The following MYO5A variants were observed in gnomAD, a reference collection of about 807,000 sequenced individuals.
MYO5A encodes the protein unconventional myosin-Va.
MYO5A carries 98 observed loss-of-function variants against 249.7 expected under a neutral mutation model. That is an observed-to-expected ratio of 0.39 (90% CI 0.33 to 0.46). MYO5A has a LOEUF of 0.46. Ranked by LOEUF, MYO5A falls within the 20% of genes least tolerant of loss-of-function variation. MYO5A has a pLI of 0.98. For missense variants in MYO5A, 1,696 were observed against 2,308.8 expected (o/e 0.73, Z 5.44); for synonymous variants, 778 against 810.6 (o/e 0.96, Z 0.68).
intron 1 of MYO5A, among the ~76,000 whole-genome samples, chr15:52,517,707 G>A (rs1304183171): frequency 3.3e-5 from 5 of 151,990 alleles, no homozygotes; most frequent in South Asian, 2.1e-4. Context: ...GCGAAACTCC[G>A]TCTCAAAAAA....
chr15:52,407,090 A>T (rs1026227039), intron 8 of MYO5A, among the ~76,000 whole-genome samples: 6 of 152,226 alleles, frequency 3.9e-5, no homozygotes, highest in Admixed American at 3.3e-4. Flanking sequence ...CACAACCATT[A>T]CCACAATCTA....
At chr15:52,434,562 A>G (rs150811955) in intron 1 of MYO5A, among the ~76,000 whole-genome samples, 1 of 152,342 alleles carries the variant, frequency 6.6e-6, no homozygotes, top group African/African-American at 2.4e-5. Flanking sequence ...CATGGTAATC[A>G]TCAGGGATTC....
At chr15:52,318,747 CTA>C (rs1197621016) in intron 39 of MYO5A, among the ~76,000 whole-genome samples, 1 of 152,216 alleles carries the variant, frequency 6.6e-6, no homozygotes. Flanking sequence ...GAGGAAGCAG[CTA>C]TCTCATCTTT....
intron 38 of MYO5A, 119 bp from the exon 39 acceptor site, chr15:52,319,461 C>T: frequency 1.8e-6 from 2 of 1,137,136 alleles, no homozygotes; most frequent in South Asian, 2.5e-5. Context: ...GGCACGGTGG[C>T]TCACATCTGT....
At chr15:52,418,789 T>G (rs185519074) in intron 4 of MYO5A, among the ~76,000 whole-genome samples, 1 of 151,960 alleles carries the variant, frequency 6.6e-6, no homozygotes, top group Non-Finnish European at 1.5e-5. Context: ...GGGGAGGGTG[T>G]CTGTTAGCCT....
chr15:52,388,779 T>G (rs1319333575), intron 13 of MYO5A, among the ~76,000 whole-genome samples: 1 of 152,204 alleles, frequency 6.6e-6, no homozygotes, highest in Non-Finnish European at 1.5e-5. Context: ...TCAGCTATGC[T>G]TTAGGACTCA....
intron 1 of MYO5A, among the ~76,000 whole-genome samples, chr15:52,455,765 T>C (rs1281110230): frequency 1.6e-5 from 1 of 63,804 alleles, no homozygotes; most frequent in African/African-American, 4.9e-5. Context: ...TCAACATCCC[T>C]TCATGATAAA....
At chr15:52,364,259 AC>A (rs2040695063) in intron 24 of MYO5A, among the ~76,000 whole-genome samples, 1 of 151,930 alleles carries the variant, frequency 6.6e-6, no homozygotes, top group Admixed American at 6.6e-5. Context: ...AAAAACAAAA[AC>A]AAAAATCCAA....
chr15:52,408,987 C>T (rs2043131750), intron 6 of MYO5A, among the ~76,000 whole-genome samples: 1 of 152,064 alleles, frequency 6.6e-6, no homozygotes, highest in Non-Finnish European at 1.5e-5. Flanking sequence ...ACTAGAAAAG[C>T]CTGTGAGTCT....
intron 1 of MYO5A, among the ~76,000 whole-genome samples, chr15:52,527,154 G>A (rs1209840669): frequency 2.6e-5 from 4 of 152,200 alleles, no homozygotes; most frequent in Non-Finnish European, 1.5e-5. Flanking sequence ...ATGTAGAAGT[G>A]GAGGGGATGG....
chr15:52,385,987 A>T (rs899847982), intron 14 of MYO5A, among the ~76,000 whole-genome samples: 1 of 152,170 alleles, frequency 6.6e-6, no homozygotes, highest in African/African-American at 2.4e-5. Flanking sequence ...TAGAAAACTA[A>T]ATCAGAATAA....
At chr15:52,401,193 C>T (rs951507695) in intron 9 of MYO5A, among the ~76,000 whole-genome samples, 5 of 151,840 alleles carry the variant, frequency 3.3e-5, no homozygotes, top group African/African-American at 1.2e-4. Context: ...GCCTCAGCCT[C>T]CCATGTAGCT....
At chr15:52,528,697 G>GCT in intron 1 of MYO5A, 83 bp downstream of exon 1, 2 of 1,428,178 alleles carry the variant, frequency 1.4e-6, no homozygotes, top group Non-Finnish European at 1.8e-6. Flanking sequence ...TGGGCCCGGC[G>GCT]CTCCCGCCCC....
intron 1 of MYO5A, among the ~76,000 whole-genome samples, chr15:52,459,144 GAA>G (rs757424083): frequency 4.0e-5 from 1 of 24,874 alleles, no homozygotes; most frequent in African/African-American, 7.7e-5. Context: ...GGATTTTCCA[GAA>G]ATTTTTTTTT....
At chr15:52,487,826 T>C (rs1011067695) in intron 1 of MYO5A, among the ~76,000 whole-genome samples, 6 of 152,116 alleles carry the variant, frequency 3.9e-5, no homozygotes, top group African/African-American at 1.4e-4. Context: ...CGGCCGGCGT[T>C]CCTGATGCCC....
chr15:52,371,025 A>C (rs1475478684), intron 21 of MYO5A, among the ~76,000 whole-genome samples: 1 of 151,916 alleles, frequency 6.6e-6, no homozygotes, highest in Non-Finnish European at 1.5e-5. Context: ...AGGCAGGAGG[A>C]TCACTTGAGC....
At position 52,395,451 on chromosome 15, in the gene MYO5A, GCC is replaced by G. The variant is rs111668658; in HGVS notation, c.1401+863_1401+864del. Among the ~76,000 whole-genome samples the G allele has an allele frequency of 6.1e-3, 927 of 152,164 alleles. 9 individuals are homozygous for G. The highest frequency in any genetic ancestry group is 0.021 in the African/African-American group (886 of 41,496). On this transcript the variant is annotated intron_variant, in intron 11 of 41. Transcript: ENST00000399233. ...AGGATTTATTAAGGGTGTCTTTCCT[GCC>G]CTTGAGCTCTATCTTCTAATTCCTA...
At chr15:52,374,928 G>GT (rs1177835895) in intron 20 of MYO5A, among the ~76,000 whole-genome samples, 1 of 151,992 alleles carries the variant, frequency 6.6e-6, no homozygotes, top group African/African-American at 2.4e-5. Context: ...GGAGGTAAAA[G>GT]TTTTTTTCCC....
chr15:52,522,839 T>C (rs1452577902), intron 1 of MYO5A, among the ~76,000 whole-genome samples: 4 of 28,022 alleles, frequency 1.4e-4, no homozygotes, highest in Admixed American at 1.5e-3. Flanking sequence ...TCTTTCATTA[T>C]TTAAAAAAAA....
Sources: allele counts gnomAD v4.1 joint callset (sites outside exome capture counted in the v4.1 genomes callset), GRCh38; gene constraint gnomAD v4.1.1; transcripts MANE v1.5; gene names NCBI Gene and HGNC (gene_info 2026-07-23, HGNC 2026-07-21).